Variants in ARHGAP26 observed in about 807,000 individuals in gnomAD.
ARHGAP26 encodes Rho GTPase activating protein 26.
In ARHGAP26, 38 loss-of-function variants were observed where a neutral mutation model predicts 104.8. That is an observed-to-expected ratio of 0.36 (90% CI 0.28 to 0.48). The LOEUF (loss-of-function observed/expected upper bound fraction) is 0.48, where lower values mean the gene tolerates loss of function less well. Among genes scored for constraint, ARHGAP26 ranks in the 20% least tolerant of loss-of-function variants. The probability of loss-of-function intolerance (pLI) is 0.99; values close to 1 mark genes in which losing one functional copy is unlikely to be tolerated. For synonymous variants in ARHGAP26, 341 were observed against 340.0 expected (o/e 1.00, Z -0.03); for missense variants, 704 against 947.9 (o/e 0.74, Z 3.38).
At chr5:143,081,253 G>A (rs1789769030) in intron 17 of ARHGAP26, among the ~76,000 whole-genome samples, 1 of 152,130 alleles carries the variant, frequency 6.6e-6, no homozygotes, top group Non-Finnish European at 1.5e-5. Flanking sequence ...GAGTCCTGGG[G>A]CTCTACAGCA....
At chr5:142,985,748 C>G (rs1338083267) in intron 11 of ARHGAP26, among the ~76,000 whole-genome samples, 2 of 148,024 alleles carry the variant, frequency 1.4e-5, no homozygotes, top group African/African-American at 5.0e-5. Context: ...TGAGTGAGAA[C>G]ATGCAGTGTT....
At chr5:142,874,912 A>G in intron 2 of ARHGAP26, 198 bp from the exon 3 acceptor site, 3 of 562,456 alleles carry the variant, frequency 5.3e-6, no homozygotes, top group Non-Finnish European at 9.5e-6. Context: ...CTAGAGTGCC[A>G]GGTGGAATTA....
intron 1 of ARHGAP26, among the ~76,000 whole-genome samples, chr5:142,794,612 T>C (rs1012216838): frequency 6.6e-6 from 1 of 152,284 alleles, no homozygotes; most frequent in South Asian, 2.1e-4. Flanking sequence ...ACCACCAGGA[T>C]TGGGCAGACT....
chr5:143,095,541 A>G (rs1028095033), intron 17 of ARHGAP26, among the ~76,000 whole-genome samples: 1 of 152,210 alleles, frequency 6.6e-6, no homozygotes, highest in African/African-American at 2.4e-5. Context: ...GACATTTTAC[A>G]TTTTTGTAAA....
intron 1 of ARHGAP26, chr5:142,860,479 C>T (rs1440601064): frequency 6.6e-6 from 1 of 152,218 alleles, no homozygotes; most frequent in Admixed American, 6.5e-5. Flanking sequence ...GCTGCCTCTT[C>T]TGTGGGAAGC....
At chr5:143,033,326 T>G (rs2152866076) in intron 12 of ARHGAP26, among the ~76,000 whole-genome samples, 1 of 152,334 alleles carries the variant, frequency 6.6e-6, no homozygotes, top group South Asian at 2.1e-4. Flanking sequence ...AGATTGAATG[T>G]GGAGGTTTTG....
chr5:143,039,919 A>G (rs1198078714), intron 13 of ARHGAP26, among the ~76,000 whole-genome samples: 2 of 152,214 alleles, frequency 1.3e-5, no homozygotes, highest in African/African-American at 2.4e-5. Context: ...GAGCACAAAG[A>G]AGAAATAAGG....
chr5:143,225,842 T>C lies in ARHGAP26; in HGVS notation c.*3396T>C, dbSNP rs1811615761. ...GACAGATGGCTTCTCTGTTTCCCTT[T>C]GCCCAGCCAGGCTCCCCTCCTTCCT... On this transcript the variant is annotated 3_prime_UTR_variant, in exon 23 of 23. Transcript: ENST00000645722. 1 of 227,836 alleles carries C rather than the reference T, an allele frequency of 4.4e-6. No homozygotes were observed. Among genetic ancestry groups the C allele is most frequent in the South Asian group, 1.8e-4 (1 of 5,470 alleles). The allele number at this position is 227,836 out of a possible 1,614,324, so 14.1% of individuals were successfully genotyped here. A position where few individuals can be genotyped will look rare whatever the true frequency, so the allele number is the denominator to read the frequency against.
chr5:142,951,325 G>T (rs13186446), intron 11 of ARHGAP26, among the ~76,000 whole-genome samples: 14,879 of 152,224 alleles, frequency 0.098, 1,826 homozygotes, highest in African/African-American at 0.28. Flanking sequence ...CTCCCAAAGT[G>T]CTGGGATTAC....
intron 20 of ARHGAP26, among the ~76,000 whole-genome samples, chr5:143,199,641 G>C (rs1180801548): frequency 6.6e-6 from 1 of 152,126 alleles, no homozygotes; most frequent in Non-Finnish European, 1.5e-5. Context: ...AACCTGGAAG[G>C]GGAACTGACA....
At chr5:142,848,801 A>G (rs1445098832) in intron 1 of ARHGAP26, among the ~76,000 whole-genome samples, 1 of 152,210 alleles carries the variant, frequency 6.6e-6, no homozygotes, top group South Asian at 2.1e-4. Flanking sequence ...CTGCTCCCTC[A>G]CTATGTAACC....
chr5:142,887,031 G>C (rs1304331973), intron 5 of ARHGAP26, among the ~76,000 whole-genome samples: 1 of 152,240 alleles, frequency 6.6e-6, no homozygotes, highest in Admixed American at 6.5e-5. Flanking sequence ...CAGATATTCA[G>C]AGTATTCAGA....
intron 17 of ARHGAP26, among the ~76,000 whole-genome samples, chr5:143,116,656 C>T (rs1287681571): frequency 6.6e-6 from 1 of 152,206 alleles, no homozygotes; most frequent in South Asian, 2.1e-4. Context: ...CCTCTGCCAC[C>T]ATCCCCACCA....
chr5:142,933,368 T>C (rs1402409905), intron 11 of ARHGAP26, among the ~76,000 whole-genome samples: 2 of 152,336 alleles, frequency 1.3e-5, no homozygotes, highest in East Asian at 3.9e-4. Context: ...TTCCATTTTA[T>C]AGATAAGTAA....
chr5:143,025,814 G>A (rs1780972921), intron 12 of ARHGAP26, among the ~76,000 whole-genome samples: 1 of 152,130 alleles, frequency 6.6e-6, no homozygotes, highest in Non-Finnish European at 1.5e-5. Context: ...CCAAGAATTG[G>A]AACACTCTTT....
In ARHGAP26 at chr5:142,955,095, TACACACACACAC is replaced by T. The variant is rs11419144; in HGVS notation, c.1107+22989_1107+23000del. ...GCAGTTCAACATAGTGAGACCTGTCTACACACACACACACACACACACACACACACCCCCCAT... is the reference window on the plus strand; with the variant it reads ...GCAGTTCAACATAGTGAGACCTGTCTACACACACACACACACACCCCCCAT... On this transcript the variant is annotated intron_variant, in intron 11 of 22. Transcript: ENST00000645722. 5.1e-4 allele frequency among the ~76,000 whole-genome samples: 27 copies of T among 52,626 alleles called. No individual in the cohort carries two copies. The South Asian group carries it at 0.031, about 59-fold the overall frequency. 34.5% of individuals were successfully genotyped at this position (52,626 alleles called of 152,430 possible).
intron 5 of ARHGAP26, among the ~76,000 whole-genome samples, chr5:142,886,238 T>G (rs537133825): frequency 6.6e-6 from 1 of 152,208 alleles, no homozygotes; most frequent in Admixed American, 6.5e-5. Flanking sequence ...GCCCTTTTTT[T>G]AAAATTTTAA....
At position 142,862,254 on chromosome 5, in the gene ARHGAP26, G is replaced by T. The variant is rs115566115; in HGVS notation, c.155-11146G>T. Among the ~76,000 whole-genome samples the T allele has an allele frequency of 4.5e-3, 691 of 152,326 alleles. 10 individuals are homozygous for T. The highest frequency in any genetic ancestry group is 0.016 in the African/African-American group (658 of 41,564). On this transcript the variant is annotated intron_variant, in intron 1 of 22. Coordinates refer to ENST00000645722, the MANE Select transcript of ARHGAP26 (RefSeq NM_001135608.3). The stretch of plus-strand genomic sequence containing the variant: ...GATTGCATGGACCCTGGAAGAGGCA[G>T]GCCTAAGGATGTGGAAAGACAGTAA...
intron 11 of ARHGAP26, among the ~76,000 whole-genome samples, chr5:142,957,162 TG>T (rs1317261555): frequency 6.6e-6 from 1 of 152,156 alleles, no homozygotes; most frequent in Non-Finnish European, 1.5e-5. Flanking sequence ...ATCAAAAGAA[TG>T]AGGATGGATT....
Sources: allele counts gnomAD v4.1 joint callset (sites outside exome capture counted in the v4.1 genomes callset), GRCh38; gene constraint gnomAD v4.1.1; transcripts MANE v1.5; gene names NCBI Gene and HGNC (gene_info 2026-07-23, HGNC 2026-07-21).